The following PTPN23 variants were observed in gnomAD, a reference collection of about 807,000 sequenced individuals.
PTPN23 encodes tyrosine-protein phosphatase non-receptor type 23.
Under a neutral mutation model 156.3 loss-of-function variants are expected in PTPN23, and 72 were observed. The ratio of observed to expected loss-of-function variants is 0.46; its 90% CI spans 0.38 to 0.56. PTPN23 has a LOEUF of 0.56. Ranked by LOEUF, PTPN23 falls within the 20% of genes least tolerant of loss-of-function variation. PTPN23 has a pLI of 0.00. For missense variants in PTPN23, 1,974 were observed against 2,171.5 expected (o/e 0.91, Z 1.81); for synonymous variants, 957 against 899.6 (o/e 1.06, Z -1.14).
In PTPN23 at chr3:47,404,706, C is replaced by T. The variant is rs770815600; in HGVS notation, c.214C>T (p.Leu72Phe). ...GGGCTGTAGTGTCCTCCGCAAGTAC[C>T]TCGGCCAGCTTCATTACCTGCAGAG... ...FEGCSVLRKY[L>F]GQLHYLQSRV... is the part of the protein sequence containing the mutation. The change falls in exon 3 of 25, where the codon CTC becomes TTC. Residue 72 changes from leucine to phenylalanine, a missense_variant. By Grantham distance (22) the Leu-to-Phe change is conservative. Coordinates refer to ENST00000265562, the MANE Select transcript of PTPN23 (RefSeq NM_015466.4). 1.2e-6 allele frequency: 2 copies of T among 1,614,040 alleles called. No individual in the cohort carries two copies. The highest frequency in any genetic ancestry group is 2.2e-5 in the East Asian group (1 of 44,864).
rs1576208294 is a variant in PTPN23 at position 47,385,233 on chromosome 3, C to T, written c.84+4053C>T. ...TTCTGTTTGAAGTTCTTTATTCTTT[C>T]TGGCCCAAACACTTGCCCTTAACCA... On this transcript the variant is annotated intron_variant, in intron 1 of 24. Coordinates refer to ENST00000265562, the MANE Select transcript of PTPN23 (RefSeq NM_015466.4). Among the ~76,000 whole-genome samples the T allele has an allele frequency of 3.3e-5, 5 of 152,230 alleles. No homozygotes were observed. The East Asian group carries it at 9.6e-4, about 29-fold the overall frequency.
rs771147465 is a variant in PTPN23 at position 47,409,074 on chromosome 3, G to A, written c.1629G>A (p.Pro543=). Reference sequence around the variant, plus strand: ...AGGTCCGGGCTGCCCTGCCCACACCGGCCCTCTCCCCAGGTGAGCCCCACC... The same window carrying A: ...AGGTCCGGGCTGCCCTGCCCACACCAGCCCTCTCCCCAGGTGAGCCCCACC... ...LDQVRAALPT[P]ALSPEDKAVL... Residue 543 remains proline, a synonymous_variant, in exon 16 of 25, where the codon CCG becomes CCA. Coordinates refer to ENST00000265562, the MANE Select transcript of PTPN23 (RefSeq NM_015466.4). The A allele has an allele frequency of 6.7e-5, 108 of 1,611,764 alleles. No individual in the cohort carries two copies. The highest frequency in any genetic ancestry group is 8.4e-5 in the Non-Finnish European group (99 of 1,178,756).
At chr3:47,408,189 GAGACCAGGCC>G (rs1225572773) in intron 14 of PTPN23, among the ~76,000 whole-genome samples, 146 bp from the exon 15 acceptor site, 1 of 152,160 alleles carries the variant, frequency 6.6e-6, no homozygotes, top group Non-Finnish European at 1.5e-5. Flanking sequence ...CATGTTCTGT[GAGACCAGGCC>G]AGACCTGGTA....
At position 47,413,204 on chromosome 3, in the gene PTPN23, G is replaced by C. The variant is rs759533837; in HGVS notation, c.*19G>C. The C allele has an allele frequency of 6.3e-6, 10 of 1,594,878 alleles. 1 individual carries two copies. In the South Asian group the frequency reaches 1.0e-4, roughly 16 times the overall value. ...GACCTGAACAGGTTTTGCCTACCTG[G>C]TCCTTACACTACATCATCATCATCT... On this transcript the variant is annotated 3_prime_UTR_variant, in exon 25 of 25. Transcript: ENST00000265562.
In PTPN23 at chr3:47,413,351, G is replaced by A; in HGVS notation, c.*166G>A. 3.1e-6 allele frequency: 3 copies of A among 956,434 alleles called. No individual in the cohort carries two copies. The highest frequency in any genetic ancestry group is 4.6e-6 in the Non-Finnish European group (3 of 648,582). 59.2% of individuals were successfully genotyped at this position (956,434 alleles called of 1,614,324 possible). ...CCCTGTGGGGTGGAAATGTACTGCA[G>A]GCTCTGGGTCAGGTTCTGCTCCTTT... On this transcript the variant is annotated 3_prime_UTR_variant, in exon 25 of 25. Coordinates refer to ENST00000265562, the MANE Select transcript of PTPN23 (RefSeq NM_015466.4).
chr3:47,407,871 T>G lies in PTPN23; in HGVS notation c.1119-19T>G. On this transcript the variant is annotated intron_variant, in intron 13 of 24. Coordinates refer to ENST00000265562, the MANE Select transcript of PTPN23 (RefSeq NM_015466.4). The surrounding 1 kb of genome is among the most constrained non-coding windows in gnomAD (Gnocchi z 4.0). ...TCTTGAGATGTGGGTCTTCAGCAAA[T>G]GCTCTGTCGCTTCTGCAGTGAGGAG... The G allele has an allele frequency of 6.2e-7, 1 of 1,614,106 alleles. No individual in the cohort carries two copies.
chr3:47,410,178 G>A lies in PTPN23; in HGVS notation c.2380G>A (p.Gly794Ser), dbSNP rs758587654. 1 of 1,599,632 alleles carries A rather than the reference G, an allele frequency of 6.3e-7. No individual in the cohort carries two copies. Among genetic ancestry groups the A allele is most frequent in the East Asian group, 2.2e-5 (1 of 44,738 alleles). Residue 794 changes from glycine to serine, a missense_variant, in exon 20 of 25, where the codon GGT becomes AGT. Physicochemically the swap from Gly to Ser is moderately conservative, Grantham distance 56. Transcript: ENST00000265562. ...PHYLSGPLPP[G>S]TYSGPTQLIQ... ...CTATCTCTCAGGCCCCTTGCCCCCT[G>A]GTACCTACTCGGGCCCCACCCAGCT...
chr3:47,387,422 A>AG (rs397824421), intron 1 of PTPN23, among the ~76,000 whole-genome samples: 4 of 150,432 alleles, frequency 2.7e-5, no homozygotes, highest in African/African-American at 9.7e-5. Flanking sequence ...AAAAAAAAAA[A>AG]GAAAGGTCAG....
chr3:47,412,244 AGCCTCATACCCCG>A (rs1705324866), intron 22 of PTPN23, 26 bp from the exon 23 acceptor site: 3 of 1,612,932 alleles, frequency 1.9e-6, no homozygotes, highest in Non-Finnish European at 2.5e-6. Flanking sequence ...CTCTTGGCCT[AGCCTCATACCCCG>A]GCCTCATAAC....
chr3:47,398,128 T>G (rs1704917328), intron 2 of PTPN23, among the ~76,000 whole-genome samples: 1 of 152,066 alleles, frequency 6.6e-6, no homozygotes, highest in South Asian at 2.1e-4. Context: ...AAACCCCCTC[T>G]CTACGAAAAA....
At position 47,405,513 on chromosome 3, in the gene PTPN23, T is replaced by C; in HGVS notation, c.365-236T>C. ...GCAAACATCCCTGAAGCTTCAAGAT[T>C]GGACCCCTTGGACAGGAGCCCTTCC... On this transcript the variant is annotated intron_variant, in intron 4 of 24. Transcript: ENST00000265562. This position sits in a 1 kb window ranked among gnomAD's most constrained non-coding sequence, Gnocchi z 4.7. The C allele has an allele frequency of 1.7e-6, 1 of 575,522 alleles. No individual in the cohort carries two copies. The allele number at this position is 575,522 out of a possible 1,614,324, so 35.7% of individuals were successfully genotyped here. A position where few individuals can be genotyped will look rare whatever the true frequency, so the allele number is the denominator to read the frequency against.
intron 15 of PTPN23, 59 bp downstream of exon 15, chr3:47,408,549 T>G: frequency 1.3e-6 from 2 of 1,560,000 alleles, no homozygotes; most frequent in Non-Finnish European, 1.7e-6. Context: ...TGCTGTGGCC[T>G]CCTCCGTGTC....
intron 2 of PTPN23, among the ~76,000 whole-genome samples, chr3:47,403,253 C>T (rs1304954732): frequency 1.3e-5 from 2 of 151,884 alleles, no homozygotes; most frequent in African/African-American, 2.4e-5. Flanking sequence ...GGGGTTTCAC[C>T]GTGTTAGCCA....
chr3:47,409,365 C>A, intron 17 of PTPN23, 48 bp downstream of exon 17: 1 of 1,613,468 alleles, frequency 6.2e-7, no homozygotes, highest in Non-Finnish European at 8.5e-7. Context: ...GGGCCCCACC[C>A]TTAGGAGTCG....
chr3:47,408,457 G>A lies in PTPN23; in HGVS notation c.1297G>A (p.Asp433Asn), dbSNP rs764175275. ...GTGCGCGGCTCTCAGCGTCCGGCCC[G>A]ACACTGTCAGGAACCTTGTACAGTC... Reference protein sequence around the residue: ...EKCAALSVRPDTVRNLVQSMQ... With the variant: ...EKCAALSVRPNTVRNLVQSMQ... Residue 433 changes from aspartate to asparagine, a missense_variant, in exon 15 of 25, where the codon GAC (aspartate) becomes AAC (asparagine). Physicochemically the swap from Asp to Asn is conservative, Grantham distance 23. Around this residue, in one of 4 missense-constraint regions of PTPN23, gnomAD observed 726 missense variants for 929.5 expected, o/e 0.78. Coordinates refer to ENST00000265562, the MANE Select transcript of PTPN23 (RefSeq NM_015466.4). The A allele has an allele frequency of 1.2e-6, 2 of 1,614,064 alleles. No homozygotes were observed. Among genetic ancestry groups the A allele is most frequent in the East Asian group, 2.2e-5 (1 of 44,882 alleles).
intron 1 of PTPN23, among the ~76,000 whole-genome samples, chr3:47,391,457 C>T (rs1704771829): frequency 6.6e-6 from 1 of 152,154 alleles, no homozygotes. Flanking sequence ...ATAGTGTCTA[C>T]CTCTTAGGGT....
intron 3 of PTPN23, 27 bp from the exon 4 acceptor site, chr3:47,404,978 G>A (rs774925749): frequency 2.0e-5 from 32 of 1,613,876 alleles, no homozygotes; most frequent in Non-Finnish European, 2.3e-5. Flanking sequence ...TCCTGCCCTC[G>A]AGATAACTGG....
At chr3:47,385,116 T>G (rs534385781) in intron 1 of PTPN23, among the ~76,000 whole-genome samples, 1 of 152,340 alleles carries the variant, frequency 6.6e-6, no homozygotes, top group African/African-American at 2.4e-5. Context: ...TCTTCTTAAC[T>G]TGTGCTTTGG....
Position 47,381,050 on chromosome 3 carries a change from T to C in PTPN23, c.-47T>C, listed in dbSNP as rs1205708285. ...CTGGGCTCGTGGCTGAGCCAGCAGCTGCAGCAGCTACGGGAGTGGCCGGGT... is the reference window on the plus strand; with the variant it reads ...CTGGGCTCGTGGCTGAGCCAGCAGCCGCAGCAGCTACGGGAGTGGCCGGGT... On this transcript the variant is annotated 5_prime_UTR_variant, in exon 1 of 25. Coordinates refer to ENST00000265562, the MANE Select transcript of PTPN23 (RefSeq NM_015466.4). 6.4e-7 allele frequency: 1 copy of C among 1,551,366 alleles called. No homozygotes were observed. Among genetic ancestry groups the C allele is most frequent in the Non-Finnish European group, 8.7e-7 (1 of 1,147,446 alleles).
Sources: allele counts gnomAD v4.1 joint callset (sites outside exome capture counted in the v4.1 genomes callset), GRCh38; gene constraint gnomAD v4.1.1; regional missense constraint gnomAD v4.1.1; non-coding constraint Gnocchi (gnomAD v3.1); transcripts MANE v1.5; gene names NCBI Gene and HGNC (gene_info 2026-07-23, HGNC 2026-07-21).